The following GALNT9 variants were observed in gnomAD, a reference collection of about 807,000 sequenced individuals.
GALNT9 encodes the protein GalNAc transferase 9.
GALNT9 carries 47 observed loss-of-function variants against 63.1 expected under a neutral mutation model. The ratio of observed to expected loss-of-function variants is 0.75; its 90% CI spans 0.59 to 0.95. The LOEUF is 0.95. GALNT9 is among the 40% of genes least tolerant of loss of function. The probability of loss-of-function intolerance (pLI) is 0.00; values close to 1 mark genes in which losing one functional copy is unlikely to be tolerated. For missense variants in GALNT9, 829 were observed against 874.8 expected, an observed-to-expected ratio of 0.95 and a Z score of 0.66; for synonymous variants, 396 against 365.7, an observed-to-expected ratio of 1.08 and a Z score of -0.94.
At chr12:132,243,215 ATACCCATTACACACACGCCACACCCC>A (rs2135531638) in intron 6 of GALNT9, among the ~76,000 whole-genome samples, 18 of 129,494 alleles carry the variant, frequency 1.4e-4, no homozygotes, top group Admixed American at 3.8e-4. Flanking sequence ...GGCCCTCCCT[ATACCCATTACACACACGCCACACCCC>A]CTTCCCGGGG....
intron 1 of GALNT9, among the ~76,000 whole-genome samples, chr12:132,291,091 T>G (rs1226101522): frequency 5.5e-3 from 81 of 14,762 alleles, no homozygotes; most frequent in Admixed American, 0.013. Context: ...CACGTCCACA[T>G]CACCCACGTC....
At chr12:132,295,849 A>T (rs1359439748) in intron 1 of GALNT9, among the ~76,000 whole-genome samples, 1 of 146,986 alleles carries the variant, frequency 6.8e-6, no homozygotes, top group Non-Finnish European at 1.5e-5. Flanking sequence ...GCCTCCGAAC[A>T]GGGACGGCCT....
intron 1 of GALNT9, among the ~76,000 whole-genome samples, chr12:132,297,932 C>G (rs1881134370): frequency 6.6e-6 from 1 of 151,702 alleles, no homozygotes; most frequent in East Asian, 1.9e-4. Context: ...ACAACCAAGC[C>G]AATCCCACAA....
At chr12:132,247,675 A>G (rs1878757494) in intron 6 of GALNT9, 3 of 423,372 alleles carry the variant, frequency 7.1e-6, no homozygotes, top group Non-Finnish European at 1.2e-5. Flanking sequence ...CCGTCCCCGG[A>G]TGCCGTGGCC....
intron 1 of GALNT9, among the ~76,000 whole-genome samples, chr12:132,321,203 AGAGTCGAGGCCCCTGTGGGTCTG>A (rs1157917216): frequency 7.1e-5 from 2 of 28,176 alleles, no homozygotes; most frequent in Non-Finnish European, 1.4e-4. Context: ...CTGTTGGTCC[AGAGTCGAGGCCCCTGTGGGTCTG>A]GAGTCGAGGC....
intron 1 of GALNT9, among the ~76,000 whole-genome samples, chr12:132,289,954 A>G (rs1566014615): frequency 6.6e-6 from 1 of 152,162 alleles, no homozygotes; most frequent in African/African-American, 2.4e-5. Flanking sequence ...ACTGGGGGTG[A>G]AGGAACTTTT....
At position 132,329,314 on chromosome 12, in the gene GALNT9, C is replaced by A; in HGVS notation, c.-111G>T. 1 of 1,418,264 alleles carries A rather than the reference C, an allele frequency of 7.1e-7. No individual in the cohort carries two copies. Among genetic ancestry groups the A allele is most frequent in the Non-Finnish European group, 9.3e-7 (1 of 1,078,110 alleles). 87.9% of individuals were successfully genotyped at this position (1,418,264 alleles called of 1,614,324 possible). A position where few individuals can be genotyped will look rare whatever the true frequency, so the allele number is the denominator to read the frequency against. On this transcript the variant is annotated 5_prime_UTR_variant, in exon 1 of 11. Transcript: ENST00000328957. Reference sequence around the variant, plus strand: ...CATGAGCCGCCCGGGGCTGCGGGGGCTGCGGGGCTCGGCCGGAGCTGTCCC... The same window carrying A: ...CATGAGCCGCCCGGGGCTGCGGGGGATGCGGGGCTCGGCCGGAGCTGTCCC...
rs2136905603 is a variant in GALNT9 at position 132,243,478 on chromosome 12, A to T, written c.1077+4432T>A. Among the ~76,000 whole-genome samples the T allele has an allele frequency of 9.4e-5, 11 of 116,746 alleles. 1 individual carries two copies. Among genetic ancestry groups the T allele is most frequent in the Non-Finnish European group, 2.0e-4 (11 of 54,730 alleles). The allele number at this position is 116,746 out of a possible 152,430, so 76.6% of individuals were successfully genotyped here. On this transcript the variant is annotated intron_variant, in intron 6 of 10. Transcript: ENST00000328957. ...GCCCCACCTGGCCGACCTGAAGGTC[A>T]GGGCATCCACTCTTTGGGGAAACGA...
intron 9 of GALNT9, 57 bp downstream of exon 9, chr12:132,199,117 C>T (rs1218094896): frequency 4.5e-5 from 52 of 1,158,810 alleles, no homozygotes; most frequent in Non-Finnish European, 5.2e-5. Context: ...GTGTAGGGTC[C>T]GGGTGGCCTG....
Position 132,282,256 on chromosome 12 carries a change from C to T in GALNT9, c.419+3994G>A, listed in dbSNP as rs1386377446. The stretch of plus-strand genomic sequence containing the variant: ...GCCAGGCCTGGGGTCCCACATCCCA[C>T]AGAGGGGGAATCAGCTCCACTACAG... On this transcript the variant is annotated intron_variant, in intron 2 of 10. Coordinates refer to ENST00000328957, the MANE Select transcript of GALNT9 (RefSeq NM_001122636.2). The surrounding 1 kb of genome is among the most constrained non-coding windows in gnomAD (Gnocchi z 4.5). Among the ~76,000 whole-genome samples, 4 of 151,754 alleles carry T rather than the reference C, an allele frequency of 2.6e-5. No homozygotes were observed. Among genetic ancestry groups the T allele is most frequent in the Non-Finnish European group, 5.9e-5 (4 of 67,940 alleles).
At chr12:132,290,500 AG>A (rs1555242613) in intron 1 of GALNT9, among the ~76,000 whole-genome samples, 1 of 152,150 alleles carries the variant, frequency 6.6e-6, no homozygotes, top group African/African-American at 2.4e-5. Flanking sequence ...AGGAGGAGGA[AG>A]CAGAGGCAGA....
intron 1 of GALNT9, among the ~76,000 whole-genome samples, chr12:132,289,513 A>G (rs1880728423): frequency 6.6e-6 from 1 of 152,178 alleles, no homozygotes; most frequent in South Asian, 2.1e-4. Flanking sequence ...AGCTAAGGGG[A>G]CTTGGCAGAC....
chr12:132,301,560 A>T (rs1054897328), intron 1 of GALNT9, among the ~76,000 whole-genome samples: 2 of 152,194 alleles, frequency 1.3e-5, no homozygotes, highest in Admixed American at 6.5e-5. Context: ...GGAGGTAGGG[A>T]TGGCTGTGCG....
intron 1 of GALNT9, among the ~76,000 whole-genome samples, chr12:132,324,011 C>T (rs1555246315): frequency 1.3e-5 from 2 of 152,144 alleles, no homozygotes; most frequent in African/African-American, 2.4e-5. Context: ...AGGGTAGAGA[C>T]GATGAACTCA....
intron 8 of GALNT9, 66 bp downstream of exon 8, chr12:132,201,058 A>C (rs1029371402): frequency 6.8e-7 from 1 of 1,469,182 alleles, no homozygotes; most frequent in Admixed American, 1.8e-5. Flanking sequence ...CCCTGAATGC[A>C]TACGTGTGCA....
chr12:132,227,401 A>G (rs1181660679), intron 6 of GALNT9, among the ~76,000 whole-genome samples: 20 of 152,182 alleles, frequency 1.3e-4, no homozygotes, highest in African/African-American at 4.8e-4. Context: ...CTCCCTCCGA[A>G]GCGTGTGCCT....
At chr12:132,322,297 G>A (rs1478950556) in intron 1 of GALNT9, among the ~76,000 whole-genome samples, 4 of 152,170 alleles carry the variant, frequency 2.6e-5, no homozygotes, top group African/African-American at 9.7e-5. Flanking sequence ...CTTCCTCCCT[G>A]GGATGTCAGC....
In GALNT9 at chr12:132,201,131, T is replaced by C; in HGVS notation, c.1394A>G (p.Tyr465Cys). 1 of 1,613,166 alleles carries C rather than the reference T, an allele frequency of 6.2e-7. No homozygotes were observed. The highest frequency in any genetic ancestry group is 8.5e-7 in the Non-Finnish European group (1 of 1,179,642). The change falls in exon 8 of 11, where the codon TAC becomes TGC. Residue 465 changes from tyrosine to cysteine, a missense_variant. Transcript: ENST00000328957. ...EMRVYNNTLT[Y>C]GEVRNSKASA... ...CCTCGGGGGAGGTGCTACCTCTCCG[T>C]ACGTGAGGGTGTTGTTGTAGACCCT... is the stretch of plus-strand genomic sequence containing the variant.
chr12:132,321,252 G>A (rs28483234), intron 1 of GALNT9, among the ~76,000 whole-genome samples: 84,302 of 145,548 alleles, frequency 0.58, 24,760 homozygotes, highest in East Asian at 0.75. Context: ...TCGGTCCGGA[G>A]TCGAGGCCCC....
Sources: gnomAD v4.1 joint callset for allele counts (sites outside exome capture counted in the v4.1 genomes callset) on GRCh38, gnomAD v4.1.1 for gene constraint, Gnocchi (gnomAD v3.1) non-coding constraint, MANE v1.5 for transcripts, NCBI Gene and HGNC (gene_info 2026-07-23, HGNC 2026-07-21) for gene names.